Variants in UNC119B observed in about 807,000 individuals in gnomAD.
UNC119B encodes the protein unc-119 lipid binding chaperone B.
In UNC119B, 16 loss-of-function variants were observed where a neutral mutation model predicts 23.4. That is an observed-to-expected ratio of 0.68 (90% CI 0.46 to 1.04). The LOEUF (loss-of-function observed/expected upper bound fraction) is 1.04. UNC119B is among the 50% of genes least tolerant of loss of function. The pLI is 0.00. For synonymous variants in UNC119B, 144 were observed against 145.4 expected, an observed-to-expected ratio of 0.99 and a Z score of 0.07; for missense variants, 350 against 361.3, an observed-to-expected ratio of 0.97 and a Z score of 0.25.
chr12:120,710,638 C>A lies in UNC119B; in HGVS notation c.164C>A (p.Ala55Glu). 1 of 1,447,196 alleles carries A rather than the reference C, an allele frequency of 6.9e-7. No individual in the cohort carries two copies. The allele number at this position is 1,447,196 out of a possible 1,614,324, so 89.6% of individuals were successfully genotyped here. Residue 55 changes from alanine to glutamate, a missense_variant, in exon 1 of 5, where the codon GCA becomes GAA. Transcript: ENST00000344651. ...CACGCGGCCGACGACGGCGTCGGGG[C>A]AGCGGTCACGGAGCAGGAGCTGCTG... Reference protein sequence around the residue: ...PHHAADDGVGAAVTEQELLAL... With the variant: ...PHHAADDGVGEAVTEQELLAL...
Position 120,717,623 on chromosome 12 carries a change from C to T in UNC119B, c.643+581C>T, listed in dbSNP as rs936804653. On this transcript the variant is annotated intron_variant, in intron 4 of 4. Coordinates refer to ENST00000344651, the MANE Select transcript of UNC119B (RefSeq NM_001080533.3). Reference sequence around the variant, plus strand: ...TATTGCCCAGGCTGGAGTGCAGTGGCGCAGTCTTGGCTCAGTGCATCCTCC... The same window carrying T: ...TATTGCCCAGGCTGGAGTGCAGTGGTGCAGTCTTGGCTCAGTGCATCCTCC... 1.3e-4 allele frequency among the ~76,000 whole-genome samples: 19 copies of T among 150,646 alleles called. 1 individual carries two copies. Among genetic ancestry groups the T allele is most frequent in the Admixed American group, 2.0e-4 (3 of 15,122 alleles).
Position 120,722,761 on chromosome 12 carries a change from C to G in UNC119B, c.*2729C>G, listed in dbSNP as rs909883658. On this transcript the variant is annotated 3_prime_UTR_variant, in exon 5 of 5. Coordinates refer to ENST00000344651, the MANE Select transcript of UNC119B (RefSeq NM_001080533.3). ...CCTTCTAGCTTCTCCAAAGAAGATC[C>G]GAGTTTATTTCATTCTATGTTTTAA... 6.6e-6 allele frequency: 1 copy of G among 152,162 alleles called. No homozygotes were observed. 9.4% of individuals were successfully genotyped at this position (152,162 alleles called of 1,614,324 possible). A position where few individuals can be genotyped will look rare whatever the true frequency, so the allele number is the denominator to read the frequency against.
chr12:120,710,642 G>C lies in UNC119B; in HGVS notation c.168G>C (p.Ala56=). 8 of 1,448,162 alleles carry C rather than the reference G, an allele frequency of 5.5e-6. No individual in the cohort carries two copies. Among genetic ancestry groups the C allele is most frequent in the Non-Finnish European group, 6.3e-6 (7 of 1,104,890 alleles). 89.7% of individuals were successfully genotyped at this position (1,448,162 alleles called of 1,614,324 possible). ...CGGCCGACGACGGCGTCGGGGCAGC[G>C]GTCACGGAGCAGGAGCTGCTGGCGC... ...HHAADDGVGA[A]VTEQELLALD... is the part of the protein sequence containing the mutation. Residue 56 remains alanine (A), a synonymous_variant, in exon 1 of 5, where the codon GCG becomes GCC. Transcript: ENST00000344651.
At chr12:120,716,472 G>A (rs758630948) in intron 2 of UNC119B, among the ~76,000 whole-genome samples, 156 bp from the exon 3 acceptor site, 2 of 152,222 alleles carry the variant, frequency 1.3e-5, no homozygotes, top group Admixed American at 6.5e-5. Flanking sequence ...TATGGCAAGT[G>A]TCCTGCTATA....
intron 1 of UNC119B, 147 bp from the exon 2 acceptor site, chr12:120,713,127 T>TTC: frequency 1.9e-6 from 1 of 535,326 alleles, no homozygotes. Flanking sequence ...CAACTTCTGC[T>TTC]GGTGATAACA....
At position 120,718,005 on chromosome 12, in the gene UNC119B, A is replaced by G. The variant is rs1019252372; in HGVS notation, c.643+963A>G. Among the ~76,000 whole-genome samples, 7 of 151,824 alleles carry G rather than the reference A, an allele frequency of 4.6e-5. No individual in the cohort carries two copies. The East Asian group carries it at 1.4e-3, about 29-fold the overall frequency. ...TGCCTCAGCCTCCTGAGTAGCTGAGACTACAGGTGCCCACCACCATGCCCG... is the reference window on the plus strand; with the variant it reads ...TGCCTCAGCCTCCTGAGTAGCTGAGGCTACAGGTGCCCACCACCATGCCCG... On this transcript the variant is annotated intron_variant, in intron 4 of 4. Coordinates refer to ENST00000344651, the MANE Select transcript of UNC119B (RefSeq NM_001080533.3).
At chr12:120,715,521 CTTTTTTTT>C (rs55906857) in intron 2 of UNC119B, among the ~76,000 whole-genome samples, 4 of 71,516 alleles carry the variant, frequency 5.6e-5, no homozygotes, top group East Asian at 1.1e-3. Flanking sequence ...TTCTCTGATT[CTTTTTTTT>C]TTTTTTTTTT....
intron 1 of UNC119B, among the ~76,000 whole-genome samples, chr12:120,712,341 A>G (rs1029571495): frequency 1.3e-5 from 2 of 152,256 alleles, no homozygotes; most frequent in African/African-American, 4.8e-5. Context: ...TCGTCTTAAT[A>G]AAGAGACAAC....
chr12:120,714,786 A>G (rs191177609), intron 2 of UNC119B, among the ~76,000 whole-genome samples: 4 of 152,208 alleles, frequency 2.6e-5, no homozygotes, highest in Admixed American at 1.3e-4. Context: ...TGTCATTTCA[A>G]TATAAGACGG....
Position 120,723,240 on chromosome 12 carries a change from C to G in UNC119B, c.*3208C>G, listed in dbSNP as rs1274148785. ...ACAGTGTGTCCTGAAATTCACAGGACTGACTCCTCACCCCAGTGCACGAGG... is the reference window on the plus strand; with the variant it reads ...ACAGTGTGTCCTGAAATTCACAGGAGTGACTCCTCACCCCAGTGCACGAGG... On this transcript the variant is annotated 3_prime_UTR_variant, in exon 5 of 5. Transcript: ENST00000344651. 1 of 154,650 alleles carries G rather than the reference C, an allele frequency of 6.5e-6. No individual in the cohort carries two copies. Among genetic ancestry groups the G allele is most frequent in the Non-Finnish European group, 1.5e-5 (1 of 68,222 alleles). The allele number at this position is 154,650 out of a possible 1,614,324, so 9.6% of individuals were successfully genotyped here. A position where few individuals can be genotyped will look rare whatever the true frequency, so the allele number is the denominator to read the frequency against.
chr12:120,720,001 A>G lies in UNC119B; in HGVS notation c.725A>G (p.Lys242Arg), dbSNP rs1420550701. Residue 242 changes from lysine to arginine, a missense_variant, in exon 5 of 5, where the codon AAG becomes AGG. Transcript: ENST00000344651. ...FVDNKLIMHN[K>R]ADYAYNGGQ ...GACAACAAGCTGATAATGCACAACA[A>G]GGCTGATTATGCCTATAATGGAGGC... is the stretch of plus-strand genomic sequence containing the variant. 3 of 1,614,182 alleles carry G rather than the reference A, an allele frequency of 1.9e-6. No homozygotes were observed. Among genetic ancestry groups the G allele is most frequent in the Non-Finnish European group, 1.7e-6 (2 of 1,180,010 alleles).
chr12:120,715,659 G>A (rs1192095041), intron 2 of UNC119B, among the ~76,000 whole-genome samples: 11 of 150,854 alleles, frequency 7.3e-5, no homozygotes, highest in Non-Finnish European at 1.3e-4. Flanking sequence ...TCAGCCTTCC[G>A]AGTAGCTGGG....
At chr12:120,715,826 C>T (rs1356715203) in intron 2 of UNC119B, among the ~76,000 whole-genome samples, 3 of 152,162 alleles carry the variant, frequency 2.0e-5, no homozygotes. Flanking sequence ...AGCCACCGTG[C>T]CCAGCCCTCT....
intron 1 of UNC119B, among the ~76,000 whole-genome samples, chr12:120,712,656 G>A (rs993338019): frequency 2.6e-5 from 4 of 152,140 alleles, no homozygotes; most frequent in South Asian, 2.1e-4. Flanking sequence ...CTTGAGACAC[G>A]TGGTTATGTA....
chr12:120,713,322 G>A lies in UNC119B; in HGVS notation c.293G>A (p.Arg98His), dbSNP rs201177940. The A allele has an allele frequency of 6.8e-6, 11 of 1,613,830 alleles. No homozygotes were observed. Among genetic ancestry groups the A allele is most frequent in the Middle Eastern group, 1.6e-4 (1 of 6,084 alleles). Residue 98 changes from arginine (R) to histidine (H), a missense_variant, in exon 2 of 5, where the codon CGC (arginine) becomes CAC (histidine). By Grantham distance (29) the Arg-to-His change is conservative. Coordinates refer to ENST00000344651, the MANE Select transcript of UNC119B (RefSeq NM_001080533.3). ...AACATCTACAGTATTGATTTCACCC[G>A]CTTCAAAATTCGAGATTTGGAGACA... ...EDNIYSIDFT[R>H]FKIRDLETGT...
intron 4 of UNC119B, 111 bp downstream of exon 4, chr12:120,717,153 T>C: frequency 9.3e-7 from 1 of 1,079,804 alleles, no homozygotes; most frequent in Non-Finnish European, 1.3e-6. Flanking sequence ...AGTGCTGACA[T>C]GATGCGTATC....
intron 2 of UNC119B, among the ~76,000 whole-genome samples, chr12:120,714,852 C>G (rs1290453627): frequency 1.3e-5 from 2 of 152,092 alleles, no homozygotes; most frequent in African/African-American, 4.8e-5. Context: ...TTTTCAGTCT[C>G]TCTAGTTTTT....
At chr12:120,711,886 C>G (rs192293439) in intron 1 of UNC119B, 19 of 152,384 alleles carry the variant, frequency 1.2e-4, no homozygotes, top group Admixed American at 1.1e-3. Flanking sequence ...TTGGATGCCC[C>G]CGTTTCCCAA....
rs756572243 is a variant in UNC119B at position 120,719,945 on chromosome 12, C to G, written c.669C>G (p.Tyr223Ter). Residue 223 changes from tyrosine (Y) to a stop codon, truncating the protein, a stop_gained, in exon 5 of 5, where the codon TAC (tyrosine) becomes TAG (stop). Coordinates refer to ENST00000344651, the MANE Select transcript of UNC119B (RefSeq NM_001080533.3). LOFTEE classifies it high-confidence loss of function. ...TTCGTCTAATGATTGAAAATCCTTACGAGACCCGCTCTGACAGCTTCTACT... is the reference window on the plus strand; with the variant it reads ...TTCGTCTAATGATTGAAAATCCTTAGGAGACCCGCTCTGACAGCTTCTACT... ...DVIRLMIENP[Y>*]ETRSDSFYFV... 6.2e-7 allele frequency: 1 copy of G among 1,614,120 alleles called. No homozygotes were observed.
Sources: gnomAD v4.1 joint callset for allele counts (sites outside exome capture counted in the v4.1 genomes callset) on GRCh38, gnomAD v4.1.1 for gene constraint, MANE v1.5 for transcripts, NCBI Gene and HGNC (gene_info 2026-07-23, HGNC 2026-07-21) for gene names.